NDUFAF2: variants seen among roughly 807,000 people sequenced by gnomAD.
NDUFAF2 encodes NADH:ubiquinone oxidoreductase complex assembly factor 2, also known as NADH dehydrogenase [ubiquinone] 1 alpha subcomplex assembly factor 2.
NDUFAF2 carries 13 observed loss-of-function variants against 22.8 expected under a neutral mutation model. That is an observed-to-expected ratio of 0.57 (90% CI 0.37 to 0.91). NDUFAF2 has a LOEUF of 0.91. Among genes scored for constraint, NDUFAF2 ranks in the 40% least tolerant of loss-of-function variants. NDUFAF2 has a pLI of 0.01. For synonymous variants in NDUFAF2, 53 were observed against 64.2 expected, an observed-to-expected ratio of 0.83 and a Z score of 0.84; for missense variants, 162 against 195.2, an observed-to-expected ratio of 0.83 and a Z score of 1.01.
intron 3 of NDUFAF2, among the ~76,000 whole-genome samples, chr5:61,136,232 T>G (rs746680735): frequency 1.3e-4 from 19 of 151,760 alleles, no homozygotes; most frequent in Non-Finnish European, 2.5e-4. Flanking sequence ...GTATCTCTTT[T>G]ATTTAAGGGG....
chr5:61,016,900 GC>G (rs1751518293), intron 1 of NDUFAF2, among the ~76,000 whole-genome samples: 1 of 152,174 alleles, frequency 6.6e-6, no homozygotes, highest in Non-Finnish European at 1.5e-5. Context: ...AGCACCTGGT[GC>G]CTGGCCACAC....
At chr5:60,973,454 T>C (rs1049372895) in intron 1 of NDUFAF2, among the ~76,000 whole-genome samples, 2 of 152,148 alleles carry the variant, frequency 1.3e-5, no homozygotes, top group African/African-American at 2.4e-5. Flanking sequence ...GAAAAAAATA[T>C]AACACAAAGA....
chr5:61,012,367 AT>A (rs1197139390), intron 1 of NDUFAF2, among the ~76,000 whole-genome samples: 2 of 152,142 alleles, frequency 1.3e-5, no homozygotes, highest in African/African-American at 2.4e-5. Context: ...AATTAAATGA[AT>A]TTTGTTGTTT....
At chr5:61,021,030 C>T (rs1399131439) in intron 1 of NDUFAF2, among the ~76,000 whole-genome samples, 1 of 144,284 alleles carries the variant, frequency 6.9e-6, no homozygotes, top group African/African-American at 2.6e-5. Context: ...AAAGAAGTTT[C>T]CAAATATATT....
Position 61,143,960 on chromosome 5 carries a change from T to TTGTG in NDUFAF2, c.259-8698_259-8695dup, listed in dbSNP as rs58281805. Among the ~76,000 whole-genome samples the TTGTG allele has an allele frequency of 2.4e-3, 238 of 98,208 alleles. 1 individual carries two copies. The highest frequency in any genetic ancestry group is 5.1e-3 in the Middle Eastern group (1 of 198). The allele number at this position is 98,208 out of a possible 152,430, so 64.4% of individuals were successfully genotyped here. A position where few individuals can be genotyped will look rare whatever the true frequency, so the allele number is the denominator to read the frequency against. On this transcript the variant is annotated intron_variant, in intron 3 of 3. Coordinates refer to ENST00000296597, the MANE Select transcript of NDUFAF2 (RefSeq NM_174889.5). ...ACATTAAAGATGAAATGGCATATTT[T>TTGTG]TGTGTGTGTGTGTGTGTGTGTGTGT...
chr5:61,151,726 C>G (rs942155257), intron 3 of NDUFAF2, among the ~76,000 whole-genome samples: 1 of 149,370 alleles, frequency 6.7e-6, no homozygotes, highest in Non-Finnish European at 1.5e-5. Flanking sequence ...TGCGGTGAGC[C>G]GAGGTTGCGG....
chr5:61,003,176 C>G (rs1399844572), intron 1 of NDUFAF2, among the ~76,000 whole-genome samples: 1 of 152,118 alleles, frequency 6.6e-6, no homozygotes, highest in African/African-American at 2.4e-5. Context: ...ATTTGGCATT[C>G]TGTTGAATGC....
rs559206791 is a variant in NDUFAF2, at chr5:60,970,886, C to T, written c.127+25504C>T. ...ATTATGTTATTTGGTTGTTTATATC[C>T]TTATATATATATTTTTGTCTACATA... On this transcript the variant is annotated intron_variant, in intron 1 of 3. Transcript: ENST00000296597. 1.3e-3 allele frequency among the ~76,000 whole-genome samples: 199 copies of T among 152,066 alleles called. 1 individual carries two copies. Among genetic ancestry groups the T allele is most frequent in the African/African-American group, 4.6e-3 (193 of 41,510 alleles).
intron 1 of NDUFAF2, among the ~76,000 whole-genome samples, chr5:60,993,961 G>A (rs984293575): frequency 1.3e-5 from 2 of 152,236 alleles, no homozygotes; most frequent in African/African-American, 4.8e-5. Flanking sequence ...TGACCTGAAG[G>A]TGGGGCCTCA....
intron 3 of NDUFAF2, chr5:61,116,170 C>T (rs1752910024): frequency 6.6e-6 from 1 of 152,074 alleles, no homozygotes; most frequent in South Asian, 2.1e-4. Context: ...GACCTGAAAC[C>T]CTTATTAGGT....
At chr5:61,134,830 C>A (rs1444183368) in intron 3 of NDUFAF2, among the ~76,000 whole-genome samples, 1 of 152,040 alleles carries the variant, frequency 6.6e-6, no homozygotes, top group Non-Finnish European at 1.5e-5. Flanking sequence ...CATTGTACAT[C>A]AGTGAGTGTA....
At chr5:61,067,242 A>G (rs982699012) in intron 1 of NDUFAF2, among the ~76,000 whole-genome samples, 1 of 151,734 alleles carries the variant, frequency 6.6e-6, no homozygotes, top group East Asian at 1.9e-4. Context: ...ATGTGCCATG[A>G]TGGTGTGCTG....
intron 3 of NDUFAF2, among the ~76,000 whole-genome samples, chr5:61,113,540 G>A (rs191739106): frequency 7.9e-4 from 120 of 152,208 alleles, no homozygotes; most frequent in Non-Finnish European, 1.4e-3. Context: ...TGCATCATAG[G>A]GGTGGTTACC....
At chr5:60,972,465 C>G (rs1351007597) in intron 1 of NDUFAF2, among the ~76,000 whole-genome samples, 2 of 152,088 alleles carry the variant, frequency 1.3e-5, no homozygotes, top group African/African-American at 4.8e-5. Flanking sequence ...TCTTCACTCA[C>G]CACTCATTCT....
At chr5:60,979,885 A>G (rs1050628774) in intron 1 of NDUFAF2, among the ~76,000 whole-genome samples, 4 of 152,126 alleles carry the variant, frequency 2.6e-5, no homozygotes, top group African/African-American at 9.7e-5. Context: ...CTGGCTTTCA[A>G]TCTAATCCAA....
chr5:61,071,650 G>A (rs1414648893), intron 1 of NDUFAF2, among the ~76,000 whole-genome samples: 1 of 152,200 alleles, frequency 6.6e-6, no homozygotes, highest in Non-Finnish European at 1.5e-5. Context: ...GGAGTGGTAA[G>A]AGAAAGGAGT....
intron 2 of NDUFAF2, among the ~76,000 whole-genome samples, chr5:61,097,474 T>G (rs2111765091): frequency 6.6e-6 from 1 of 152,312 alleles, no homozygotes; most frequent in South Asian, 2.1e-4. Flanking sequence ...CATACCATGG[T>G]AAAGTCAAAA....
chr5:61,040,390 A>G (rs572092182), intron 1 of NDUFAF2, among the ~76,000 whole-genome samples: 2 of 152,058 alleles, frequency 1.3e-5, no homozygotes, highest in South Asian at 2.1e-4. Flanking sequence ...ATTCTTCCCT[A>G]GAGCCTTCAG....
intron 3 of NDUFAF2, among the ~76,000 whole-genome samples, chr5:61,128,290 A>G (rs1198949959): frequency 6.6e-6 from 1 of 152,210 alleles, no homozygotes; most frequent in Non-Finnish European, 1.5e-5. Flanking sequence ...AGAATTGGAA[A>G]AAAACTACTT....
Sources: gnomAD v4.1 joint callset for allele counts (sites outside exome capture counted in the v4.1 genomes callset) on GRCh38, gnomAD v4.1.1 for gene constraint, MANE v1.5 for transcripts, NCBI Gene and HGNC (gene_info 2026-07-23, HGNC 2026-07-21) for gene names.